ZCCHC2: variants seen among roughly 807,000 people sequenced by gnomAD.
The protein encoded by ZCCHC2 is zinc finger CCHC-type containing 2, also known as zinc finger CCHC domain-containing protein 2.
ZCCHC2 carries 39 observed loss-of-function variants against 103.6 expected under a neutral mutation model. The ratio of observed to expected loss-of-function variants is 0.38; its 90% CI spans 0.29 to 0.49. The LOEUF (loss-of-function observed/expected upper bound fraction) is 0.49, where lower values mean the gene tolerates loss of function less well. Ranked by LOEUF, ZCCHC2 falls within the 20% of genes least tolerant of loss-of-function variation. The pLI, the probability that ZCCHC2 is intolerant of heterozygous loss-of-function variation, is 0.96. For synonymous variants in ZCCHC2, 687 were observed against 608.9 expected, an observed-to-expected ratio of 1.13 and a Z score of -1.89; for missense variants, 1,483 against 1,491.0, an observed-to-expected ratio of 0.99 and a Z score of 0.09.
At chr18:62,563,802 A>T (rs1423907738) in intron 9 of ZCCHC2, among the ~76,000 whole-genome samples, 3 of 152,262 alleles carry the variant, frequency 2.0e-5, no homozygotes, top group Admixed American at 1.3e-4. Context: ...GCTATTTGTG[A>T]TAGAAATTTT....
At chr18:62,543,194 G>A (rs1357996398) in intron 3 of ZCCHC2, among the ~76,000 whole-genome samples, 2 of 152,128 alleles carry the variant, frequency 1.3e-5, no homozygotes, top group East Asian at 3.8e-4. Flanking sequence ...ACCATGCCAC[G>A]TTTTTGTGAA....
At chr18:62,586,126 G>C (rs142369336) in exon 15 of ZCCHC2, 129 of 145,824 alleles carry the variant, frequency 8.8e-4, no homozygotes, top group African/African-American at 3.2e-3. Flanking sequence ...TTACCTGAAA[G>C]CTACGTGAAT....
chr18:62,576,029 T>TA (rs4048462), intron 13 of ZCCHC2, among the ~76,000 whole-genome samples: 40,786 of 147,838 alleles, frequency 0.28, 5,873 homozygotes, highest in African/African-American at 0.36. Flanking sequence ...CAGCAAATGT[T>TA]AAAAAAAAAA....
chr18:62,553,119 T>G (rs1024576277), intron 5 of ZCCHC2, among the ~76,000 whole-genome samples: 7 of 151,832 alleles, frequency 4.6e-5, no homozygotes, highest in African/African-American at 1.7e-4. Flanking sequence ...GCCTAACTTT[T>G]CCAAAATTTT....
chr18:62,541,493 A>G (rs1032106801), intron 2 of ZCCHC2, among the ~76,000 whole-genome samples: 2 of 151,996 alleles, frequency 1.3e-5, no homozygotes, highest in Non-Finnish European at 2.9e-5. Flanking sequence ...TTCTTCCTCT[A>G]AGGCAAAATG....
intron 5 of ZCCHC2, among the ~76,000 whole-genome samples, chr18:62,555,011 G>A (rs1471222978): frequency 6.6e-6 from 1 of 152,170 alleles, no homozygotes; most frequent in African/African-American, 2.4e-5. Context: ...AATTTAAAAT[G>A]CGCATTAAAA....
chr18:62,538,999 T>TGAA (rs879726893), intron 1 of ZCCHC2, among the ~76,000 whole-genome samples: 5 of 95,310 alleles, frequency 5.2e-5, no homozygotes, highest in Admixed American at 1.1e-4. Flanking sequence ...ATTTACTTAC[T>TGAA]TAATATGATG....
chr18:62,537,685 T>C (rs1360625257), intron 1 of ZCCHC2, among the ~76,000 whole-genome samples: 5 of 152,228 alleles, frequency 3.3e-5, no homozygotes, highest in African/African-American at 9.6e-5. Context: ...TGTTCATCCA[T>C]TGATGGGTTT....
intron 5 of ZCCHC2, among the ~76,000 whole-genome samples, chr18:62,553,156 ATGTG>A (rs142422088): frequency 0.15 from 21,044 of 139,582 alleles, 1,544 homozygotes; most frequent in Middle Eastern, 0.26. Flanking sequence ...CCTTAGATTT[ATGTG>A]TGTGTGTGTG....
chr18:62,579,305 T>C (rs1248599913), downstream of ZCCHC2, among the ~76,000 whole-genome samples: 3 of 152,248 alleles, frequency 2.0e-5, 1 homozygote, highest in East Asian at 5.8e-4. Flanking sequence ...TCTCTCAGTA[T>C]AATGTGTACT....
chr18:62,571,036 C>T (rs926804905), intron 12 of ZCCHC2, among the ~76,000 whole-genome samples: 9 of 152,354 alleles, frequency 5.9e-5, no homozygotes, highest in African/African-American at 2.2e-4. Context: ...TCAAAGCCTC[C>T]TGTAGCCATC....
At chr18:62,576,454 T>C in intron 13 of ZCCHC2, 58 bp from the exon 14 acceptor site, 1 of 1,458,724 alleles carries the variant, frequency 6.9e-7, no homozygotes. Context: ...TTGTACGTAG[T>C]GGTTTGTGAT....
rs1311332444 is a variant in ZCCHC2 at position 62,574,561 on chromosome 18, G to A, written c.2480G>A (p.Cys827Tyr). The A allele has an allele frequency of 1.2e-6, 2 of 1,613,942 alleles. No homozygotes were observed. Among genetic ancestry groups the A allele is most frequent in the South Asian group, 2.2e-5 (2 of 91,080 alleles). The part of the protein sequence containing the change: ...LPPPQGSSES[C>Y]TVNIPQQPPG... ...CCACCACAGGGATCTTCTGAGAGCTGCACAGTTAACATCCCACAACAACCA... is the reference window on the plus strand; with the variant it reads ...CCACCACAGGGATCTTCTGAGAGCTACACAGTTAACATCCCACAACAACCA... Residue 827 changes from cysteine to tyrosine, a missense_variant, in exon 13 of 14, where the codon TGC (cysteine) becomes TAC (tyrosine). Around this residue, in one of 3 missense-constraint regions of ZCCHC2, gnomAD observed 884 missense variants for 907.5 expected, o/e 0.97. Coordinates refer to ENST00000269499, the MANE Select transcript of ZCCHC2 (RefSeq NM_017742.6).
chr18:62,564,502 T>C (rs1916260130), intron 9 of ZCCHC2, 69 bp from the exon 10 acceptor site: 1 of 1,134,712 alleles, frequency 8.8e-7, no homozygotes, highest in African/African-American at 1.6e-5. Flanking sequence ...TTTTAATGTT[T>C]ATTATGAGAG....
Position 62,570,280 on chromosome 18 carries a change from G to A in ZCCHC2, c.1975+49G>A, listed in dbSNP as rs775621791. 1.5e-5 allele frequency: 24 copies of A among 1,593,350 alleles called. No homozygotes were observed. The South Asian group carries it at 2.3e-4, about 15-fold the overall frequency. ...TTGTTGGCATGGCAGGGGTGGGGAA[G>A]TGGAGGGAAATGTGTGTTGTTTCTT... On this transcript the variant is annotated intron_variant, in intron 12 of 13. Transcript: ENST00000269499.
intron 4 of ZCCHC2, among the ~76,000 whole-genome samples, chr18:62,548,384 A>G (rs1915510541): frequency 6.6e-6 from 1 of 152,222 alleles, no homozygotes; most frequent in Admixed American, 6.5e-5. Flanking sequence ...CAGTCTGCCC[A>G]GCAACGTGAA....
At chr18:62,566,664 G>C (rs1410412462) in intron 11 of ZCCHC2, among the ~76,000 whole-genome samples, 1 of 152,188 alleles carries the variant, frequency 6.6e-6, no homozygotes, top group Non-Finnish European at 1.5e-5. Flanking sequence ...TTCGATGTTA[G>C]CCCATTTCCA....
At chr18:62,547,811 C>T (rs1915486121) in intron 4 of ZCCHC2, among the ~76,000 whole-genome samples, 1 of 152,102 alleles carries the variant, frequency 6.6e-6, no homozygotes, top group South Asian at 2.1e-4. Flanking sequence ...ATCCACCCAC[C>T]TTGGCCAAAT....
intron 1 of ZCCHC2, among the ~76,000 whole-genome samples, chr18:62,528,076 A>G (rs1914514084): frequency 1.3e-5 from 2 of 152,212 alleles, no homozygotes; most frequent in Admixed American, 6.5e-5. Context: ...TGGTATGACG[A>G]TTCTCTGGAG....
Sources: gnomAD v4.1 joint callset for allele counts (sites outside exome capture counted in the v4.1 genomes callset) on GRCh38, gnomAD v4.1.1 for gene constraint, gnomAD v4.1.1 regional missense constraint, MANE v1.5 for transcripts, NCBI Gene and HGNC (gene_info 2026-07-23, HGNC 2026-07-21) for gene names.